Variants in NRXN3 observed in about 807,000 individuals in gnomAD.
NRXN3 encodes the protein neurexin III.
A neutral mutation model predicts 137.6 loss-of-function variants in NRXN3; 32 were observed. The observed-to-expected ratio is 0.23, with a 90% CI of 0.18 to 0.31. The LOEUF (loss-of-function observed/expected upper bound fraction) is 0.31, where lower values mean the gene tolerates loss of function less well. NRXN3 is among the 10% of genes least tolerant of loss of function. The probability of loss-of-function intolerance (pLI) is 1.00; values close to 1 mark genes in which losing one functional copy is unlikely to be tolerated. For missense variants in NRXN3, 1,574 were observed against 2,062.5 expected (o/e 0.76, Z 4.59); for synonymous variants, 798 against 784.5 (o/e 1.02, Z -0.29).
chr14:78,182,116 CG>C (rs5809866), intron 1 of NRXN3, among the ~76,000 whole-genome samples: 1 of 134,780 alleles, frequency 7.4e-6, no homozygotes, highest in African/African-American at 2.9e-5. Flanking sequence ...ATGATGGGGC[CG>C]GGGGGGACAA....
At chr14:79,750,759 A>T (rs918756673) in intron 19 of NRXN3, among the ~76,000 whole-genome samples, 3 of 152,168 alleles carry the variant, frequency 2.0e-5, no homozygotes, top group African/African-American at 7.2e-5. Flanking sequence ...TGGAGTCGCA[A>T]GGACTCTTCC....
intron 4 of NRXN3, among the ~76,000 whole-genome samples, chr14:78,598,568 A>G (rs2097177331): frequency 6.6e-6 from 1 of 152,168 alleles, no homozygotes; most frequent in African/African-American, 2.4e-5. Context: ...GCAGTCACAC[A>G]TTTGCTGTGT....
At chr14:78,510,149 A>C (rs2096075340) in intron 4 of NRXN3, among the ~76,000 whole-genome samples, 1 of 151,798 alleles carries the variant, frequency 6.6e-6, no homozygotes, top group Non-Finnish European at 1.5e-5. Flanking sequence ...AGGTTGAAGC[A>C]GGTTAAGTTC....
At chr14:79,816,171 G>T (rs1374976840) in intron 20 of NRXN3, among the ~76,000 whole-genome samples, 1 of 152,168 alleles carries the variant, frequency 6.6e-6, no homozygotes, top group Non-Finnish European at 1.5e-5. Context: ...AAGTTTGCTT[G>T]TTCAAGGTCA....
intron 8 of NRXN3, among the ~76,000 whole-genome samples, chr14:78,742,857 C>T (rs1451089553): frequency 6.6e-6 from 1 of 152,176 alleles, no homozygotes; most frequent in African/African-American, 2.4e-5. Context: ...CTTCTTTTAG[C>T]TATAAATCCT....
intron 15 of NRXN3, among the ~76,000 whole-genome samples, chr14:79,325,976 G>T (rs930405515): frequency 6.6e-6 from 1 of 152,140 alleles, no homozygotes; most frequent in Non-Finnish European, 1.5e-5. Flanking sequence ...AAGGGTCTGC[G>T]GGTGCCCTCT....
chr14:78,932,171 A>T (rs2099324077), intron 10 of NRXN3, among the ~76,000 whole-genome samples: 1 of 152,098 alleles, frequency 6.6e-6, no homozygotes, highest in African/African-American at 2.4e-5. Flanking sequence ...TAATTTTTTT[A>T]AAAAGCCAAG....
At chr14:78,886,956 G>A (rs1219650931) in intron 10 of NRXN3, among the ~76,000 whole-genome samples, 1 of 152,108 alleles carries the variant, frequency 6.6e-6, no homozygotes, top group African/African-American at 2.4e-5. Context: ...TAGTGGTGGA[G>A]GATGTCTAAC....
At chr14:78,830,321 A>G (rs2098978220) in intron 10 of NRXN3, among the ~76,000 whole-genome samples, 1 of 152,118 alleles carries the variant, frequency 6.6e-6, no homozygotes, top group Non-Finnish European at 1.5e-5. Context: ...TCTCATATCC[A>G]TTTTTATGGA....
Position 79,522,221 on chromosome 14 carries a change from G to GGGATA in NRXN3, c.3444+54821_3444+54825dup, listed in dbSNP as rs552821240. On this transcript the variant is annotated intron_variant, in intron 16 of 20. Coordinates refer to ENST00000335750, the MANE Select transcript of NRXN3 (RefSeq NM_001330195.2). ...CAAGTTGACACTGGAGAAGTAGGAG[G>GGGATA]GGATAGAGCAAGAAGAACTTGACAG... 3.1e-4 allele frequency among the ~76,000 whole-genome samples: 47 copies of GGGATA among 152,234 alleles called. No individual in the cohort carries two copies. In the South Asian group the frequency reaches 3.7e-3, roughly 12 times the overall value.
At chr14:78,639,656 A>G (rs986690292) in intron 4 of NRXN3, among the ~76,000 whole-genome samples, 20 of 152,338 alleles carry the variant, frequency 1.3e-4, no homozygotes, top group African/African-American at 3.8e-4. Flanking sequence ...GTTGAACCTC[A>G]TGCAGCTGCA....
intron 10 of NRXN3, among the ~76,000 whole-genome samples, chr14:78,811,369 AAGAG>A (rs138202384): frequency 2.7e-5 from 4 of 149,414 alleles, no homozygotes; most frequent in African/African-American, 7.3e-5. Flanking sequence ...ATCCGTAGGG[AAGAG>A]AGAGAGAGAG....
intron 2 of NRXN3, among the ~76,000 whole-genome samples, chr14:78,277,957 AAAATT>A (rs760490078): frequency 2.2e-4 from 34 of 152,198 alleles, no homozygotes; most frequent in Non-Finnish European, 4.3e-4. Context: ...AGCAAGGAAA[AAAATT>A]AAAGTAGGAG....
chr14:79,316,696 A>C (rs1435968612), intron 15 of NRXN3, among the ~76,000 whole-genome samples: 1 of 150,496 alleles, frequency 6.6e-6, no homozygotes, highest in Non-Finnish European at 1.5e-5. Flanking sequence ...GTTCTATTAC[A>C]CTGGACTTTA....
chr14:79,355,910 T>C (rs1300032808), intron 15 of NRXN3, among the ~76,000 whole-genome samples: 1 of 152,186 alleles, frequency 6.6e-6, no homozygotes, highest in Non-Finnish European at 1.5e-5. Flanking sequence ...TCAAAGATTG[T>C]AGTGTAAATA....
chr14:78,990,459 C>T (rs991042268), intron 15 of NRXN3, among the ~76,000 whole-genome samples: 22 of 149,630 alleles, frequency 1.5e-4, no homozygotes, highest in African/African-American at 5.4e-4. Context: ...GCAACCTCCA[C>T]CTCCCAGGTT....
intron 4 of NRXN3, among the ~76,000 whole-genome samples, chr14:78,593,797 C>T (rs563229135): frequency 4.4e-4 from 67 of 152,246 alleles, no homozygotes; most frequent in Non-Finnish European, 7.6e-4. Flanking sequence ...CCTGGGGCTT[C>T]GAGAGTGACT....
chr14:79,707,244 A>G (rs1483445488), intron 19 of NRXN3, among the ~76,000 whole-genome samples: 1 of 152,224 alleles, frequency 6.6e-6, no homozygotes, highest in Non-Finnish European at 1.5e-5. Context: ...GAAGAAAAAT[A>G]AATGTGTTAA....
chr14:79,440,986 A>T (rs2095931488), intron 15 of NRXN3, among the ~76,000 whole-genome samples: 1 of 152,188 alleles, frequency 6.6e-6, no homozygotes, highest in South Asian at 2.1e-4. Context: ...AAGAAAATGA[A>T]TTGAAGTCGA....
Sources: allele counts gnomAD v4.1 joint callset (sites outside exome capture counted in the v4.1 genomes callset), GRCh38; gene constraint gnomAD v4.1.1; transcripts MANE v1.5; gene names NCBI Gene and HGNC (gene_info 2026-07-23, HGNC 2026-07-21).